The following ATP10B variants were observed in gnomAD, a reference collection of about 807,000 sequenced individuals.
ATP10B encodes phospholipid-transporting ATPase VB.
Under a neutral mutation model 141.2 loss-of-function variants are expected in ATP10B, and 122 were observed. That is an observed-to-expected ratio of 0.86 (90% CI 0.75 to 1.00). ATP10B has a LOEUF of 1.00. ATP10B is among the 50% of genes least tolerant of loss of function. The probability of loss-of-function intolerance (pLI) is 0.00; values close to 1 mark genes in which losing one functional copy is unlikely to be tolerated. For synonymous variants in ATP10B, 685 were observed against 692.0 expected (o/e 0.99, Z 0.16); for missense variants, 1,876 against 1,825.3 (o/e 1.03, Z -0.51).
chr5:160,654,244 T>G (rs1165645915), intron 7 of ATP10B, among the ~76,000 whole-genome samples: 1 of 151,742 alleles, frequency 6.6e-6, no homozygotes, highest in African/African-American at 2.4e-5. Context: ...GGATTACAGG[T>G]GTAAGCCATC....
At chr5:160,898,983 G>A in the ATP10B span, among the ~76,000 whole-genome samples, 1 of 151,420 alleles carries the variant, frequency 6.6e-6, no homozygotes, top group South Asian at 2.1e-4. Flanking sequence ...TCACACACTG[G>A]GGCCTGTCAG....
At chr5:160,788,045 A>G (rs548538021) in intron 1 of ATP10B, among the ~76,000 whole-genome samples, 2 of 152,142 alleles carry the variant, frequency 1.3e-5, no homozygotes, top group African/African-American at 4.8e-5. Flanking sequence ...GAGGTCATAC[A>G]TTCACCTTCA....
At chr5:160,770,032 G>A (rs17058230) in intron 2 of ATP10B, among the ~76,000 whole-genome samples, 31,601 of 152,096 alleles carry the variant, frequency 0.21, 3,945 homozygotes, top group East Asian at 0.51. Context: ...TAAAGCCCAC[G>A]AGAGCCAGTG....
At chr5:160,577,540 G>T (rs1336129234) in intron 24 of ATP10B, among the ~76,000 whole-genome samples, 1 of 152,178 alleles carries the variant, frequency 6.6e-6, no homozygotes, top group Non-Finnish European at 1.5e-5. Flanking sequence ...ATTTTCTGGG[G>T]CTGGAGAGCA....
chr5:160,675,431 T>A (rs957967616), intron 6 of ATP10B, among the ~76,000 whole-genome samples: 1 of 151,874 alleles, frequency 6.6e-6, no homozygotes, highest in African/African-American at 2.4e-5. Flanking sequence ...GCAAGAGAGG[T>A]TTGTAGCCAA....
chr5:160,850,848 A>G (rs1753763421), intron 1 of ATP10B, among the ~76,000 whole-genome samples: 1 of 152,236 alleles, frequency 6.6e-6, no homozygotes, highest in Non-Finnish European at 1.5e-5. Context: ...GCTGTAAGAA[A>G]TGAATTTTCC....
chr5:160,705,042 C>T (rs991368335), intron 3 of ATP10B, among the ~76,000 whole-genome samples: 1 of 150,550 alleles, frequency 6.6e-6, no homozygotes, highest in African/African-American at 2.4e-5. Context: ...CCTCAGCCTC[C>T]CAAGTAGCTG....
rs550115752 is a variant in ATP10B at position 160,799,002 on chromosome 5, C to T, written c.-575-13199G>A. ...CCTGACCTCAGATGATCCACCTGCC[C>T]GGCTTCCCAAAGTACTGGGATTACA... On this transcript the variant is annotated intron_variant, in intron 1 of 25. Transcript: ENST00000327245. Among the ~76,000 whole-genome samples, 10 of 152,112 alleles carry T rather than the reference C, an allele frequency of 6.6e-5. No individual in the cohort carries two copies. In the East Asian group the frequency reaches 7.7e-4, roughly 12 times the overall value.
rs372965233 is a variant in ATP10B at position 160,819,795 on chromosome 5, C to A, written c.-576+32146G>T. Among the ~76,000 whole-genome samples, 12 of 151,996 alleles carry A rather than the reference C, an allele frequency of 7.9e-5. No individual in the cohort carries two copies. The East Asian group carries it at 1.4e-3, about 17-fold the overall frequency. On this transcript the variant is annotated intron_variant, in intron 1 of 25. Coordinates refer to ENST00000327245, the MANE Select transcript of ATP10B (RefSeq NM_025153.3). ...TGGGTTATAAGACAGTATTTGCAAG[C>A]CTCATGGCACCCTAAATCAAAAAAC...
intron 1 of ATP10B, among the ~76,000 whole-genome samples, chr5:160,786,538 A>G (rs1771158739): frequency 6.6e-6 from 1 of 152,146 alleles, no homozygotes; most frequent in African/African-American, 2.4e-5. Context: ...GGAAAATTCA[A>G]GACTCCTATT....
chr5:160,634,646 G>A (rs1167986280), intron 11 of ATP10B, 40 bp from the exon 12 acceptor site: 2 of 1,557,896 alleles, frequency 1.3e-6, no homozygotes, highest in Admixed American at 1.9e-5. Context: ...AAACCAGGCA[G>A]GTTCCCTCCC....
intron 1 of ATP10B, among the ~76,000 whole-genome samples, chr5:160,843,970 T>A (rs1399317410): frequency 6.6e-6 from 1 of 152,136 alleles, no homozygotes; most frequent in Admixed American, 6.6e-5. Flanking sequence ...TTTTCTTAAG[T>A]AGAATCCCCA....
intron 2 of ATP10B, among the ~76,000 whole-genome samples, chr5:160,761,069 C>A (rs1581480709): frequency 6.6e-6 from 1 of 152,112 alleles, no homozygotes; most frequent in African/African-American, 2.4e-5. Flanking sequence ...AGCTGGTACA[C>A]TCTTAAAAGT....
the ATP10B span, among the ~76,000 whole-genome samples, chr5:160,898,148 A>C: frequency 1.3e-5 from 2 of 152,222 alleles, no homozygotes; most frequent in African/African-American, 2.4e-5. Context: ...AAACTGACAC[A>C]TGGGATCTAA....
intron 2 of ATP10B, among the ~76,000 whole-genome samples, chr5:160,744,492 A>C (rs756696608): frequency 6.6e-6 from 1 of 152,198 alleles, no homozygotes; most frequent in African/African-American, 2.4e-5. Context: ...GGAAGATTGC[A>C]GGCAGCGGGC....
intron 2 of ATP10B, among the ~76,000 whole-genome samples, chr5:160,753,655 C>T (rs1010214447): frequency 6.6e-6 from 1 of 152,158 alleles, no homozygotes; most frequent in Non-Finnish European, 1.5e-5. Flanking sequence ...ATTTTCCCAA[C>T]AGCTATTATG....
At chr5:160,874,516 G>C in the ATP10B span, among the ~76,000 whole-genome samples, 1 of 152,074 alleles carries the variant, frequency 6.6e-6, no homozygotes, top group Non-Finnish European at 1.5e-5. Flanking sequence ...CATCAGCAAC[G>C]GACCAAAGCT....
chr5:160,622,136 T>G (rs1461802786), intron 14 of ATP10B, among the ~76,000 whole-genome samples: 1 of 152,194 alleles, frequency 6.6e-6, no homozygotes, highest in African/African-American at 2.4e-5. Context: ...ACTCTTAATG[T>G]CTACCTGCAG....
chr5:160,821,454 C>T (rs184175446), intron 1 of ATP10B, among the ~76,000 whole-genome samples: 27 of 152,086 alleles, frequency 1.8e-4, no homozygotes, highest in African/African-American at 6.5e-4. Context: ...GCAATCTACA[C>T]ATTCAGTGGA....
Sources: gnomAD v4.1 joint callset for allele counts (sites outside exome capture counted in the v4.1 genomes callset) on GRCh38, gnomAD v4.1.1 for gene constraint, MANE v1.5 for transcripts, NCBI Gene and HGNC (gene_info 2026-07-23, HGNC 2026-07-21) for gene names.